Variants in TRDN observed in about 807,000 individuals in gnomAD.
TRDN encodes triadin in skeletal muscle.
A neutral mutation model predicts 149.7 loss-of-function variants in TRDN; 161 were observed. The ratio of observed to expected loss-of-function variants is 1.08; its 90% confidence interval spans 0.95 to 1.23. The LOEUF is 1.23. Among genes scored for constraint, TRDN ranks in the 50% most tolerant of loss-of-function variants. The pLI, the probability that TRDN is intolerant of heterozygous loss-of-function variation, is 0.00. For synonymous variants in TRDN, 294 were observed against 250.5 expected (o/e 1.17, Z -1.64); for missense variants, 896 against 823.5 (o/e 1.09, Z -1.08).
intron 23 of TRDN, among the ~76,000 whole-genome samples, chr6:123,328,536 C>A (rs1360806121): frequency 6.6e-6 from 1 of 152,108 alleles, no homozygotes; most frequent in African/African-American, 2.4e-5. Flanking sequence ...TCCTCTCGCA[C>A]CAATCTTTCA....
chr6:123,373,824 T>C (rs369591054), intron 19 of TRDN, among the ~76,000 whole-genome samples: 4 of 152,156 alleles, frequency 2.6e-5, no homozygotes, highest in African/African-American at 9.7e-5. Context: ...GCAGGTTATA[T>C]ACAGAAAACT....
intron 14 of TRDN, 32 bp downstream of exon 14, chr6:123,388,490 A>G: frequency 6.3e-7 from 1 of 1,577,580 alleles, no homozygotes; most frequent in Non-Finnish European, 8.6e-7. Flanking sequence ...TGTACTCACA[A>G]AAGGCTCAGT....
Position 123,312,321 on chromosome 6 carries a change from A to G in TRDN, c.1510+4136T>C, listed in dbSNP as rs193288957. 8.3e-3 allele frequency among the ~76,000 whole-genome samples: 1,268 copies of G among 152,080 alleles called. 11 individuals are homozygous for G. The highest frequency in any genetic ancestry group is 0.014 in the Non-Finnish European group (955 of 67,962). On this transcript the variant is annotated intron_variant, in intron 24 of 40. Transcript: ENST00000334268. ...CTCTTCGACTTCTGCCACTCCTGAGAGAGCAAGAGCAACCCGTCCTTTTCC... is the reference window on the plus strand; with the variant it reads ...CTCTTCGACTTCTGCCACTCCTGAGGGAGCAAGAGCAACCCGTCCTTTTCC...
At chr6:123,350,065 C>A (rs1780399759) in intron 21 of TRDN, 15 of 982,038 alleles carry the variant, frequency 1.5e-5, no homozygotes, top group Non-Finnish European at 1.7e-5. Context: ...ATAGTGAACT[C>A]TGATACATTT....
At chr6:123,327,585 G>C (rs1779505413) in intron 23 of TRDN, among the ~76,000 whole-genome samples, 1 of 151,930 alleles carries the variant, frequency 6.6e-6, no homozygotes, top group African/African-American at 2.4e-5. Context: ...AACAGAGTTT[G>C]TTTCCATTGT....
At chr6:123,349,559 A>T (rs1235251297) in intron 21 of TRDN, 1 of 881,678 alleles carries the variant, frequency 1.1e-6, no homozygotes, top group East Asian at 1.2e-4. Flanking sequence ...TTAAAAATAC[A>T]TATTAAGCAA....
chr6:123,223,094 C>T (rs892191311), intron 39 of TRDN, among the ~76,000 whole-genome samples: 2 of 151,714 alleles, frequency 1.3e-5, no homozygotes, highest in Non-Finnish European at 2.9e-5. Context: ...GTGATGATTC[C>T]TCAAAGAGCT....
intron 7 of TRDN, among the ~76,000 whole-genome samples, chr6:123,505,049 T>A (rs1778856305): frequency 6.6e-6 from 1 of 151,902 alleles, no homozygotes. Flanking sequence ...ATCAAGACCA[T>A]CCTGGCTAAC....
At chr6:123,483,201 C>G (rs1315904058) in intron 9 of TRDN, among the ~76,000 whole-genome samples, 2 of 151,086 alleles carry the variant, frequency 1.3e-5, no homozygotes, top group African/African-American at 4.9e-5. Context: ...CTCCCAGGTT[C>G]ACGCCATTCT....
chr6:123,468,000 G>T (rs1172091022), intron 9 of TRDN, among the ~76,000 whole-genome samples: 1 of 152,090 alleles, frequency 6.6e-6, no homozygotes, highest in Non-Finnish European at 1.5e-5. Flanking sequence ...GTGGATAGTT[G>T]TAGGGGTGTT....
chr6:123,229,648 C>T (rs1469729438), intron 38 of TRDN, among the ~76,000 whole-genome samples: 1 of 151,828 alleles, frequency 6.6e-6, no homozygotes, highest in East Asian at 1.9e-4. Context: ...CAAGGGTGGA[C>T]TTGGTTCTAT....
chr6:123,303,113 G>A (rs1778488387), intron 24 of TRDN, among the ~76,000 whole-genome samples: 1 of 152,028 alleles, frequency 6.6e-6, no homozygotes, highest in Non-Finnish European at 1.5e-5. Context: ...GTTAAATCAT[G>A]ATGTCAAATC....
At chr6:123,227,718 CT>C (rs1243714496) in intron 38 of TRDN, among the ~76,000 whole-genome samples, 2 of 140,296 alleles carry the variant, frequency 1.4e-5, no homozygotes, top group Non-Finnish European at 3.2e-5. Flanking sequence ...GAGGCAAGGA[CT>C]TTTTTGTTTG....
intron 10 of TRDN, among the ~76,000 whole-genome samples, chr6:123,442,562 G>GAAA (rs58272597): frequency 8.3e-5 from 10 of 120,492 alleles, no homozygotes; most frequent in South Asian, 2.6e-4. Context: ...AAAAAAAAAA[G>GAAA]AAAAAAAAAA....
chr6:123,502,650 AT>A, intron 8 of TRDN: 1 of 984,786 alleles, frequency 1.0e-6, no homozygotes, highest in East Asian at 1.1e-4. Flanking sequence ...ATGAGGAAAA[AT>A]TAATTTCAGT....
intron 22 of TRDN, among the ~76,000 whole-genome samples, chr6:123,335,999 A>G (rs1420995457): frequency 6.6e-6 from 1 of 152,058 alleles, no homozygotes; most frequent in Admixed American, 6.6e-5. Context: ...CGCAAAATAC[A>G]GGTAATCACT....
rs913969941 is a variant in TRDN, at chr6:123,218,450, T to G, written c.*151A>C. On this transcript the variant is annotated 3_prime_UTR_variant, in exon 41 of 41. Transcript: ENST00000334268. ...CATGTCTGCTCATCACTCAATCCATTTGGCCACCCTTTCCGTCCACACCAG... is the reference window on the plus strand; with the variant it reads ...CATGTCTGCTCATCACTCAATCCATGTGGCCACCCTTTCCGTCCACACCAG... The G allele has an allele frequency of 1.3e-5, 10 of 796,824 alleles. No individual in the cohort carries two copies. In the Admixed American group the frequency reaches 2.1e-4, roughly 17 times the overall value. The allele number at this position is 796,824 out of a possible 1,614,324, so 49.4% of individuals were successfully genotyped here. A position where few individuals can be genotyped will look rare whatever the true frequency, so the allele number is the denominator to read the frequency against.
chr6:123,473,119 G>A (rs890970124), intron 9 of TRDN, among the ~76,000 whole-genome samples: 157 of 152,312 alleles, frequency 1.0e-3, no homozygotes, highest in African/African-American at 3.5e-3. Flanking sequence ...GCTGAGAGAA[G>A]AAGGCTTCAG....
intron 9 of TRDN, among the ~76,000 whole-genome samples, chr6:123,466,482 T>C (rs551878428): frequency 2.9e-4 from 44 of 152,258 alleles, no homozygotes; most frequent in African/African-American, 9.4e-4. Flanking sequence ...TCAATGCAGG[T>C]TCCCAAGTTG....
Sources: allele counts gnomAD v4.1 joint callset (sites outside exome capture counted in the v4.1 genomes callset), GRCh38; gene constraint gnomAD v4.1.1; transcripts MANE v1.5; gene names NCBI Gene and HGNC (gene_info 2026-07-23, HGNC 2026-07-21).